The following SORCS2 variants were observed in gnomAD, a reference collection of about 807,000 sequenced individuals.
SORCS2 encodes VPS10 domain-containing receptor SorCS2.
A neutral mutation model predicts 141.6 loss-of-function variants in SORCS2; 100 were observed. The ratio of observed to expected loss-of-function variants is 0.71; its 90% CI spans 0.60 to 0.83. SORCS2 has a LOEUF of 0.83. SORCS2 is among the 40% of genes least tolerant of loss of function. The probability of loss-of-function intolerance (pLI) is 0.00; values close to 1 mark genes in which losing one functional copy is unlikely to be tolerated. For missense variants in SORCS2, 1,646 were observed against 1,560.2 expected, an observed-to-expected ratio of 1.05 and a Z score of -0.93; for synonymous variants, 789 against 676.9, an observed-to-expected ratio of 1.17 and a Z score of -2.57.
rs772639306 is a variant in SORCS2 at position 7,664,515 on chromosome 4, G to C, written c.1071+44G>C. ...CTTTTGGAAATTGGCAACAGGTGAC[G>C]TGGCGGATGACCCGTTCGCGGCAAA... On this transcript the variant is annotated intron_variant, in intron 7 of 26. Transcript: ENST00000507866. This position sits in a 1 kb window ranked among gnomAD's most constrained non-coding sequence, Gnocchi z 4.7. The C allele has an allele frequency of 6.3e-6, 9 of 1,431,838 alleles. No homozygotes were observed. The highest frequency in any genetic ancestry group is 8.6e-6 in the Non-Finnish European group (9 of 1,041,928). 88.7% of individuals were successfully genotyped at this position (1,431,838 alleles called of 1,614,324 possible). A position where few individuals can be genotyped will look rare whatever the true frequency, so the allele number is the denominator to read the frequency against.
chr4:7,359,176 G>C (rs971080181), intron 1 of SORCS2, among the ~76,000 whole-genome samples: 8 of 152,218 alleles, frequency 5.3e-5, no homozygotes, highest in African/African-American at 1.9e-4. Context: ...CATGCCTGTA[G>C]TCCCAGCTAC....
chr4:7,221,590 A>G (rs1047784586), intron 1 of SORCS2, among the ~76,000 whole-genome samples: 1 of 152,202 alleles, frequency 6.6e-6, no homozygotes, highest in Non-Finnish European at 1.5e-5. Flanking sequence ...GGTTTGGCAA[A>G]ATCCACCCAG....
At position 7,388,516 on chromosome 4, in the gene SORCS2, T is replaced by C. The variant is rs192111271; in HGVS notation, c.481-7772T>C. On this transcript the variant is annotated intron_variant, in intron 1 of 26. Transcript: ENST00000507866. ...GTCATGACTACTAAAGGGTCTCTAG[T>C]TGAAATCTCCCAGTCTCCCTCCTGT... 3.0e-3 allele frequency among the ~76,000 whole-genome samples: 455 copies of C among 152,290 alleles called. 2 individuals are homozygous for C. Among genetic ancestry groups the C allele is most frequent in the African/African-American group, 0.01 (434 of 41,564 alleles).
At chr4:7,607,245 T>G (rs997933797) in intron 3 of SORCS2, among the ~76,000 whole-genome samples, 9 of 152,306 alleles carry the variant, frequency 5.9e-5, no homozygotes, top group Admixed American at 4.6e-4. Context: ...CTTTTAATCA[T>G]GAAAATAAAA....
At chr4:7,427,794 G>A (rs1480778540) in intron 2 of SORCS2, among the ~76,000 whole-genome samples, 1 of 151,992 alleles carries the variant, frequency 6.6e-6, no homozygotes, top group East Asian at 1.9e-4. Flanking sequence ...GCAGGGGATG[G>A]CACGGAGAGC....
At position 7,638,369 on chromosome 4, in the gene SORCS2, C is replaced by A. The variant is rs771538114; in HGVS notation, c.690C>A (p.Ser230Arg). 9.0e-6 allele frequency: 14 copies of A among 1,548,752 alleles called. No individual in the cohort carries two copies. The highest frequency in any genetic ancestry group is 2.4e-5 in the East Asian group (1 of 42,540). The change falls in exon 4 of 27, where the codon AGC becomes AGA. Residue 230 changes from serine to arginine, a missense_variant. By Grantham distance (110) the Ser-to-Arg change is moderately radical. Coordinates refer to ENST00000507866, the MANE Select transcript of SORCS2 (RefSeq NM_020777.3). The part of the protein sequence containing the change: ...VSSSLSDRDQ[S>R]LFLSADEGAT... ...CCTCACTCAGTGACCGGGACCAGAG[C>A]CTATTCCTCAGCGCAGACGAAGGCG... is the stretch of plus-strand genomic sequence containing the variant.
At position 7,363,438 on chromosome 4, in the gene SORCS2, C is replaced by T. The variant is rs561870517; in HGVS notation, c.481-32850C>T. On this transcript the variant is annotated intron_variant, in intron 1 of 26. Coordinates refer to ENST00000507866, the MANE Select transcript of SORCS2 (RefSeq NM_020777.3). ...AACTGTGCATCACCATTATCATCAC[C>T]ATCACCACCATTGTGGTGTATCACC... Among the ~76,000 whole-genome samples, 939 of 145,460 alleles carry T rather than the reference C, an allele frequency of 6.5e-3. 45 individuals carry two copies. Among genetic ancestry groups the T allele is most frequent in the African/African-American group, 0.021 (746 of 36,226 alleles).
At chr4:7,654,102 C>G in intron 4 of SORCS2, 32 bp from the exon 5 acceptor site, 6 of 1,547,754 alleles carry the variant, frequency 3.9e-6, no homozygotes, top group Non-Finnish European at 5.3e-6. Flanking sequence ...GACGTCCTGA[C>G]CAAGCTTTTG....
intron 2 of SORCS2, among the ~76,000 whole-genome samples, chr4:7,399,529 C>G (rs1200617968): frequency 1.3e-5 from 2 of 152,212 alleles, no homozygotes; most frequent in East Asian, 3.8e-4. Flanking sequence ...ATCCAGTGCT[C>G]TGCCCCTTTC....
intron 1 of SORCS2, among the ~76,000 whole-genome samples, chr4:7,250,084 A>G (rs568069425): frequency 9.2e-5 from 14 of 152,276 alleles, no homozygotes; most frequent in African/African-American, 3.4e-4. Flanking sequence ...TCTACTAAAA[A>G]TACAAAAATT....
chr4:7,414,684 TAAAC>T (rs572873128), intron 2 of SORCS2, among the ~76,000 whole-genome samples: 2 of 152,320 alleles, frequency 1.3e-5, no homozygotes, highest in Non-Finnish European at 2.9e-5. Context: ...TACAGAGTGA[TAAAC>T]AACTTAAAAG....
intron 3 of SORCS2, among the ~76,000 whole-genome samples, chr4:7,543,829 TGTCCATCCATCC>T (rs1560373503): frequency 2.6e-4 from 8 of 30,666 alleles, no homozygotes; most frequent in African/African-American, 6.9e-4. Flanking sequence ...TCTACCCATC[TGTCCATCCATCC>T]ACTCATCCGT....
intron 1 of SORCS2, among the ~76,000 whole-genome samples, chr4:7,217,925 G>A (rs928460389): frequency 3.9e-5 from 6 of 152,208 alleles, no homozygotes; most frequent in African/African-American, 1.4e-4. Context: ...AGCTGTGCTG[G>A]CCGGGGTCAC....
Position 7,732,193 on chromosome 4 carries a change from C to T in SORCS2, c.3109-1129C>T, listed in dbSNP as rs529010220. Among the ~76,000 whole-genome samples, 17 of 152,348 alleles carry T rather than the reference C, an allele frequency of 1.1e-4. No individual in the cohort carries two copies. The South Asian group carries it at 2.1e-3, about 19-fold the overall frequency. ...AAATGGCCAACAGGTATGTGGAAAA[C>T]ATGCTCACCATCTCGAATCATCAGG... On this transcript the variant is annotated intron_variant, in intron 23 of 26. Coordinates refer to ENST00000507866, the MANE Select transcript of SORCS2 (RefSeq NM_020777.3).
intron 1 of SORCS2, among the ~76,000 whole-genome samples, chr4:7,219,960 A>G (rs1728608903): frequency 6.6e-6 from 1 of 152,216 alleles, no homozygotes. Flanking sequence ...TGTGAAAATA[A>G]AGGAGTGTTG....
At chr4:7,208,795 C>T (rs976731423) in intron 1 of SORCS2, among the ~76,000 whole-genome samples, 1 of 152,244 alleles carries the variant, frequency 6.6e-6, no homozygotes, top group Non-Finnish European at 1.5e-5. Flanking sequence ...GCTGCCTCTG[C>T]CCCGGGCCCT....
Position 7,740,304 on chromosome 4 carries a change from AGAACCACCAGCAAAGCCGGCGGCTGGACT to A in SORCS2, c.*42_*70del. ...CTGTCTTTTCACCCACGGAGGGCAC[AGAACCACCAGCAAAGCCGGCGGCTGGACT>A]GGCGCCCCTCAGAGACCTGCGGAAA... On this transcript the variant is annotated 3_prime_UTR_variant, in exon 27 of 27. Transcript: ENST00000507866. The A allele has an allele frequency of 6.3e-7, 1 of 1,584,424 alleles. No homozygotes were observed. Among genetic ancestry groups the A allele is most frequent in the Non-Finnish European group, 8.6e-7 (1 of 1,161,668 alleles).
intron 3 of SORCS2, among the ~76,000 whole-genome samples, chr4:7,623,688 C>A (rs946243269): frequency 6.6e-6 from 1 of 152,176 alleles, no homozygotes; most frequent in Non-Finnish European, 1.5e-5. Flanking sequence ...ACCTCGCTGT[C>A]TCTATGGTCT....
rs1288299403 is a variant in SORCS2, at chr4:7,224,410, C to T, written c.480+31284C>T. Among the ~76,000 whole-genome samples the T allele has an allele frequency of 2.6e-5, 4 of 152,226 alleles. No homozygotes were observed. The East Asian group carries it at 7.7e-4, about 29-fold the overall frequency. Reference sequence around the variant, plus strand: ...GGAGGCGGGGCTGGGACTGCCACCCCTGGGAAGCTGCAGCAGCAGGCTTTG... The same window carrying T: ...GGAGGCGGGGCTGGGACTGCCACCCTTGGGAAGCTGCAGCAGCAGGCTTTG... On this transcript the variant is annotated intron_variant, in intron 1 of 26. Transcript: ENST00000507866.
Sources: allele counts gnomAD v4.1 joint callset (sites outside exome capture counted in the v4.1 genomes callset), GRCh38; gene constraint gnomAD v4.1.1; non-coding constraint Gnocchi (gnomAD v3.1); transcripts MANE v1.5; gene names NCBI Gene and HGNC (gene_info 2026-07-23, HGNC 2026-07-21).